TCAF1: variants seen among roughly 807,000 people sequenced by gnomAD.
The protein encoded by TCAF1 is TRPM8 channel associated factor 1.
Under a neutral mutation model 27.3 loss-of-function variants are expected in TCAF1, and 4 were observed. The ratio of observed to expected loss-of-function variants is 0.15; its 90% confidence interval spans 0.07 to 0.34. The LOEUF (loss-of-function observed/expected upper bound fraction) is 0.34. TCAF1 is among the 10% of genes least tolerant of loss of function. TCAF1 has a pLI of 1.00. For missense variants in TCAF1, 257 were observed against 425.8 expected (o/e 0.60, Z 3.49); for synonymous variants, 105 against 167.1 (o/e 0.63, Z 2.87).
At position 143,852,006 on chromosome 7, in the gene TCAF1, T is replaced by A. The variant is rs1445648167; in HGVS notation, c.*2127A>T. The A allele has an allele frequency of 6.6e-6, 1 of 152,236 alleles. No homozygotes were observed. The highest frequency in any genetic ancestry group is 1.5e-5 in the Non-Finnish European group (1 of 68,066). 9.4% of individuals were successfully genotyped at this position (152,236 alleles called of 1,614,324 possible). On this transcript the variant is annotated 3_prime_UTR_variant, in exon 9 of 9. Coordinates refer to ENST00000479870, the MANE Select transcript of TCAF1 (RefSeq NM_014719.3). ...TAAATGATATCCACATTATTTTGGC[T>A]ATTTAAATACTTCTTACTGGGAGCC...
At chr7:143,901,466 C>T (rs554877015) in intron 1 of TCAF1, among the ~76,000 whole-genome samples, 1 of 152,326 alleles carries the variant, frequency 6.6e-6, no homozygotes, top group South Asian at 2.1e-4. Context: ...AGGCCAAATG[C>T]ATTCCAGACT....
At chr7:143,898,612 CT>C (rs1414831799) in intron 1 of TCAF1, among the ~76,000 whole-genome samples, 3 of 151,884 alleles carry the variant, frequency 2.0e-5, no homozygotes, top group Admixed American at 2.0e-4. Flanking sequence ...TATGACGTGC[CT>C]AGAAATTTAA....
chr7:143,897,967 AC>A (rs2116874298), intron 1 of TCAF1, among the ~76,000 whole-genome samples: 1 of 152,276 alleles, frequency 6.6e-6, no homozygotes, highest in South Asian at 2.1e-4. Flanking sequence ...TCCAATGTTT[AC>A]CTTTTGTATC....
At chr7:143,886,279 T>A (rs544580649) in intron 1 of TCAF1, among the ~76,000 whole-genome samples, 3 of 152,092 alleles carry the variant, frequency 2.0e-5, no homozygotes, top group Non-Finnish European at 4.4e-5. Flanking sequence ...TAAGGAAGGG[T>A]TGTCCTGGGA....
chr7:143,881,374 A>G (rs1813011543), intron 1 of TCAF1, among the ~76,000 whole-genome samples: 1 of 152,184 alleles, frequency 6.6e-6, no homozygotes, highest in South Asian at 2.1e-4. Flanking sequence ...CACACATTCA[A>G]TTCCATAGGT....
chr7:143,901,269 A>G (rs1031628538), intron 1 of TCAF1, among the ~76,000 whole-genome samples: 7 of 152,250 alleles, frequency 4.6e-5, no homozygotes, highest in Non-Finnish European at 8.8e-5. Context: ...CTGGTCAGCT[A>G]GACAGACACA....
chr7:143,860,001 A>AAT (rs1325796918), intron 6 of TCAF1, among the ~76,000 whole-genome samples: 2 of 36,504 alleles, frequency 5.5e-5, no homozygotes, highest in East Asian at 1.1e-3. Context: ...TATATTATAT[A>AAT]ATATATATAT....
At chr7:143,882,596 C>G in intron 1 of TCAF1, 7 of 985,666 alleles carry the variant, frequency 7.1e-6, no homozygotes, top group Non-Finnish European at 8.4e-6. Context: ...TTCGGCACAC[C>G]CAGACCCACG....
At chr7:143,893,013 T>C (rs1441343750) in intron 1 of TCAF1, among the ~76,000 whole-genome samples, 1 of 152,108 alleles carries the variant, frequency 6.6e-6, no homozygotes, top group Non-Finnish European at 1.5e-5. Context: ...TAAATATAAA[T>C]GGATTAAAAA....
intron 1 of TCAF1, among the ~76,000 whole-genome samples, chr7:143,895,264 C>T (rs1356402360): frequency 6.6e-6 from 1 of 151,608 alleles, no homozygotes; most frequent in African/African-American, 2.4e-5. Flanking sequence ...GTCAGAAACA[C>T]TGGAAAAAAT....
chr7:143,890,784 G>C (rs1207358917), intron 1 of TCAF1, among the ~76,000 whole-genome samples: 1 of 152,190 alleles, frequency 6.6e-6, no homozygotes, highest in African/African-American at 2.4e-5. Context: ...GAAGAAACCA[G>C]ACAAGTTAAT....
chr7:143,899,112 C>T (rs1376140135), intron 1 of TCAF1, among the ~76,000 whole-genome samples: 3 of 152,126 alleles, frequency 2.0e-5, no homozygotes, highest in Non-Finnish European at 4.4e-5. Context: ...TATGGTAGCA[C>T]AAAACAGACT....
intron 1 of TCAF1, among the ~76,000 whole-genome samples, chr7:143,896,307 C>T (rs1025117486): frequency 1.3e-5 from 2 of 151,836 alleles, no homozygotes; most frequent in African/African-American, 4.8e-5. Context: ...GTTCAATTTA[C>T]AACAATTCAC....
intron 1 of TCAF1, among the ~76,000 whole-genome samples, chr7:143,884,011 G>A (rs1320594953): frequency 6.6e-6 from 1 of 152,132 alleles, no homozygotes; most frequent in Non-Finnish European, 1.5e-5. Context: ...ATTCCTCTGT[G>A]CCTCAGTGTT....
chr7:143,876,658 G>T, intron 1 of TCAF1, 36 bp from the exon 2 acceptor site: 2 of 1,451,228 alleles, frequency 1.4e-6, no homozygotes, highest in Non-Finnish European at 1.8e-6. Flanking sequence ...GCTTAGCGAA[G>T]AATGGATAAA....
At chr7:143,898,394 A>T (rs1813982571) in intron 1 of TCAF1, among the ~76,000 whole-genome samples, 1 of 152,154 alleles carries the variant, frequency 6.6e-6, no homozygotes, top group South Asian at 2.1e-4. Flanking sequence ...AGAAACGAAT[A>T]AACAAAATTA....
intron 1 of TCAF1, 128 bp from the exon 2 acceptor site, chr7:143,876,750 T>C: frequency 1.6e-6 from 1 of 638,614 alleles, no homozygotes; most frequent in Non-Finnish European, 2.3e-6. Flanking sequence ...CACTGGGAAA[T>C]GATTTAAGCA....
At position 143,890,411 on chromosome 7, in the gene TCAF1, G is replaced by T. The variant is rs182404126; in HGVS notation, c.-15+11550C>A. ...TACAAAAGTGTCTTGAACTTGAAGG[G>T]GCTTATGTTGAGGCAACATTTATTT... On this transcript the variant is annotated intron_variant, in intron 1 of 8. Coordinates refer to ENST00000479870, the MANE Select transcript of TCAF1 (RefSeq NM_014719.3). Among the ~76,000 whole-genome samples, 161 of 152,146 alleles carry T rather than the reference G, an allele frequency of 1.1e-3. 3 individuals carry two copies. Among genetic ancestry groups the T allele is most frequent in the Admixed American group, 7.8e-3 (120 of 15,290 alleles).
intron 1 of TCAF1, among the ~76,000 whole-genome samples, chr7:143,883,581 C>T (rs568512526): frequency 6.9e-6 from 1 of 145,450 alleles, no homozygotes; most frequent in East Asian, 2.1e-4. Context: ...TCTCGGCTCA[C>T]TGCAACCTCC....
Sources: allele counts gnomAD v4.1 joint callset (sites outside exome capture counted in the v4.1 genomes callset), GRCh38; gene constraint gnomAD v4.1.1; transcripts MANE v1.5; gene names NCBI Gene and HGNC (gene_info 2026-07-23, HGNC 2026-07-21).